The following ANO3 variants were observed in gnomAD, a reference collection of about 807,000 sequenced individuals.
The protein encoded by ANO3 is anoctamin 3.
A neutral mutation model predicts 144.8 loss-of-function variants in ANO3; 99 were observed. The ratio of observed to expected loss-of-function variants is 0.68; its 90% CI spans 0.58 to 0.81. The LOEUF is 0.81. Ranked by LOEUF, ANO3 falls within the 30% of genes least tolerant of loss-of-function variation. ANO3 has a pLI of 0.00. For synonymous variants in ANO3, 414 were observed against 392.6 expected, an observed-to-expected ratio of 1.05 and a Z score of -0.64; for missense variants, 905 against 1,202.2, an observed-to-expected ratio of 0.75 and a Z score of 3.66.
chr11:26,544,774 T>C (rs534559565), intron 11 of ANO3, among the ~76,000 whole-genome samples: 2 of 152,134 alleles, frequency 1.3e-5, no homozygotes, highest in Admixed American at 1.3e-4. Context: ...TACTCTTGCT[T>C]CTTCAGGTAA....
chr11:26,423,839 G>A (rs1461073068), intron 1 of ANO3, among the ~76,000 whole-genome samples: 2 of 151,894 alleles, frequency 1.3e-5, no homozygotes, highest in Admixed American at 6.6e-5. Flanking sequence ...ATACTGAAAA[G>A]GTTATGGGCT....
At chr11:26,643,726 CA>C (rs71047870) in intron 23 of ANO3, among the ~76,000 whole-genome samples, 118,637 of 149,810 alleles carry the variant, frequency 0.79, 47,433 homozygotes, top group East Asian at 0.88. Context: ...AACTCCCTCT[CA>C]AAAAAAAAAA....
intron 1 of ANO3, among the ~76,000 whole-genome samples, chr11:26,230,011 T>C (rs530178117): frequency 3.8e-4 from 58 of 152,178 alleles, no homozygotes; most frequent in Non-Finnish European, 5.0e-4. Context: ...TACTTTTTCC[T>C]GGGATCTGTA....
chr11:26,622,130 A>G (rs774226429), intron 17 of ANO3, among the ~76,000 whole-genome samples: 1 of 152,202 alleles, frequency 6.6e-6, no homozygotes, highest in Admixed American at 6.5e-5. Context: ...CCAGTCAGCC[A>G]TAGCATTTGG....
At chr11:26,587,156 T>C (rs1317294559) in intron 14 of ANO3, among the ~76,000 whole-genome samples, 3 of 152,144 alleles carry the variant, frequency 2.0e-5, no homozygotes, top group African/African-American at 7.2e-5. Flanking sequence ...TTTCCATCAG[T>C]TGGAACCCAC....
At chr11:26,480,082 G>A (rs1027552372) in intron 4 of ANO3, among the ~76,000 whole-genome samples, 3 of 152,134 alleles carry the variant, frequency 2.0e-5, no homozygotes, top group African/African-American at 7.2e-5. Context: ...ACACCGCGTG[G>A]GAGAAATGGG....
intron 1 of ANO3, among the ~76,000 whole-genome samples, chr11:26,400,014 T>C (rs1194394179): frequency 2.0e-5 from 3 of 152,074 alleles, no homozygotes; most frequent in Non-Finnish European, 4.4e-5. Flanking sequence ...TAACCACATG[T>C]AGATGAAATC....
intron 5 of ANO3, among the ~76,000 whole-genome samples, chr11:26,515,343 AT>A (rs35280202): frequency 0.79 from 118,899 of 151,102 alleles, 46,942 homozygotes; most frequent in East Asian, 0.84. Flanking sequence ...CTGCTTGGAT[AT>A]TTTTTTAGCA....
At chr11:26,352,934 T>C (rs1855684694) in intron 1 of ANO3, among the ~76,000 whole-genome samples, 2 of 152,228 alleles carry the variant, frequency 1.3e-5, no homozygotes, top group South Asian at 2.1e-4. Flanking sequence ...CAAACACTGA[T>C]ATGAACTCGA....
At chr11:26,544,251 C>CATATATATATATAT (rs1554967685) in intron 11 of ANO3, among the ~76,000 whole-genome samples, 55 of 38,452 alleles carry the variant, frequency 1.4e-3, no homozygotes, top group African/African-American at 2.5e-3. Flanking sequence ...TTTCATTATA[C>CATATATATATATAT]ATATATATAT....
intron 20 of ANO3, 151 bp downstream of exon 20, chr11:26,635,221 TC>T: frequency 1.7e-6 from 1 of 582,830 alleles, no homozygotes; most frequent in Non-Finnish European, 2.9e-6. Flanking sequence ...CTACATCTTT[TC>T]AAAAAAGGGG....
At chr11:26,369,921 A>T (rs1856202003) in intron 1 of ANO3, among the ~76,000 whole-genome samples, 1 of 152,200 alleles carries the variant, frequency 6.6e-6, no homozygotes, top group African/African-American at 2.4e-5. Flanking sequence ...GAGTATACAA[A>T]AAGGAAATGA....
At chr11:26,307,304 A>G (rs1854405750), upstream of ANO3, among the ~76,000 whole-genome samples, 1 of 152,162 alleles carries the variant, frequency 6.6e-6, no homozygotes, top group East Asian at 1.9e-4. Flanking sequence ...CAGTAAGCTA[A>G]GATTGCGTCA....
At chr11:26,554,723 A>C (rs1175566314) in intron 13 of ANO3, among the ~76,000 whole-genome samples, 1 of 152,060 alleles carries the variant, frequency 6.6e-6, no homozygotes, top group Non-Finnish European at 1.5e-5. Context: ...TTTCCTTGAC[A>C]GATGGTTTCC....
At chr11:26,588,461 A>C (rs1038697976) in intron 14 of ANO3, among the ~76,000 whole-genome samples, 3 of 152,204 alleles carry the variant, frequency 2.0e-5, no homozygotes, top group Non-Finnish European at 2.9e-5. Flanking sequence ...TTACCTCAAT[A>C]TTAAAATTGA....
At chr11:26,510,851 T>C (rs867904745) in intron 5 of ANO3, among the ~76,000 whole-genome samples, 2 of 152,238 alleles carry the variant, frequency 1.3e-5, no homozygotes, top group Admixed American at 6.5e-5. Context: ...ATACTGGATG[T>C]TAGTCATCCA....
intron 4 of ANO3, among the ~76,000 whole-genome samples, chr11:26,506,620 C>T (rs1334566260): frequency 1.3e-5 from 2 of 152,176 alleles, no homozygotes; most frequent in African/African-American, 4.8e-5. Context: ...CTGGAAATCT[C>T]AGAGCTTTTT....
intron 14 of ANO3, chr11:26,571,952 G>T: frequency 4.2e-6 from 2 of 473,836 alleles, no homozygotes; most frequent in Non-Finnish European, 5.5e-6. Flanking sequence ...AGACCACTGC[G>T]ATTCTCTTTG....
intron 1 of ANO3, among the ~76,000 whole-genome samples, chr11:26,260,639 ATTC>A (rs1277022709): frequency 2.0e-5 from 3 of 152,198 alleles, no homozygotes; most frequent in African/African-American, 7.2e-5. Context: ...AAGGTATGTG[ATTC>A]CAGACCCTCT....
Sources: gnomAD v4.1 joint callset for allele counts (sites outside exome capture counted in the v4.1 genomes callset) on GRCh38, gnomAD v4.1.1 for gene constraint, MANE v1.5 for transcripts, NCBI Gene and HGNC (gene_info 2026-07-23, HGNC 2026-07-21) for gene names.